SPIDR: variants seen among roughly 807,000 people sequenced by gnomAD.
SPIDR encodes DNA repair-scaffolding protein.
SPIDR carries 93 observed loss-of-function variants against 104.6 expected under a neutral mutation model. That is an observed-to-expected ratio of 0.89 (90% confidence interval 0.75 to 1.06). The LOEUF is 1.06. SPIDR is among the 50% of genes least tolerant of loss of function. SPIDR has a pLI of 0.00. For missense variants in SPIDR, 1,154 were observed against 1,111.2 expected (o/e 1.04, Z -0.55); for synonymous variants, 431 against 416.9 (o/e 1.03, Z -0.41).
chr8:47,444,055 T>G (rs2070042782), intron 8 of SPIDR, among the ~76,000 whole-genome samples: 1 of 152,160 alleles, frequency 6.6e-6, no homozygotes, highest in South Asian at 2.1e-4. Flanking sequence ...TCTATATAAT[T>G]TCAGACATGT....
At chr8:47,337,304 A>T (rs976501406) in intron 5 of SPIDR, among the ~76,000 whole-genome samples, 2 of 151,814 alleles carry the variant, frequency 1.3e-5, no homozygotes, top group Admixed American at 6.6e-5. Context: ...TAATTGTTTA[A>T]TTTTTTTGTA....
In SPIDR at chr8:47,353,137, AAAGTT is replaced by A. The variant is rs557266480; in HGVS notation, c.526-43233_526-43229del. Among the ~76,000 whole-genome samples, 10 of 152,292 alleles carry A rather than the reference AAAGTT, an allele frequency of 6.6e-5. No homozygotes were observed. The East Asian group carries it at 1.9e-3, about 29-fold the overall frequency. On this transcript the variant is annotated intron_variant, in intron 5 of 19. Coordinates refer to ENST00000297423, the MANE Select transcript of SPIDR (RefSeq NM_001080394.4). ...TTAATTTTGTTAAATTTTTATTCAA[AAAGTT>A]AAGTTCTAAATAGCATCAAACATGG... is the stretch of plus-strand genomic sequence containing the variant.
intron 3 of SPIDR, among the ~76,000 whole-genome samples, chr8:47,289,607 A>G (rs960019071): frequency 2.0e-5 from 3 of 152,134 alleles, no homozygotes; most frequent in Non-Finnish European, 4.4e-5. Flanking sequence ...AATAGTGACA[A>G]TACAAAATGC....
intron 8 of SPIDR, among the ~76,000 whole-genome samples, chr8:47,529,441 A>G (rs1406060442): frequency 6.6e-6 from 1 of 152,018 alleles, no homozygotes; most frequent in Non-Finnish European, 1.5e-5. Context: ...AATAAAAAAT[A>G]AAAATAAAGT....
intron 10 of SPIDR, among the ~76,000 whole-genome samples, chr8:47,655,805 C>T (rs6992255): frequency 0.11 from 17,366 of 152,066 alleles, 1,512 homozygotes; most frequent in African/African-American, 0.21. Context: ...TTGCCCATGC[C>T]TGTGTCCTGA....
intron 8 of SPIDR, among the ~76,000 whole-genome samples, chr8:47,501,520 C>T (rs960558287): frequency 6.6e-6 from 1 of 152,012 alleles, no homozygotes; most frequent in African/African-American, 2.4e-5. Context: ...CTGAAGTTGC[C>T]TGTCAGCTTA....
chr8:47,349,363 C>A (rs962456528), intron 5 of SPIDR, among the ~76,000 whole-genome samples: 2 of 152,202 alleles, frequency 1.3e-5, no homozygotes, highest in Admixed American at 6.5e-5. Flanking sequence ...GGGCACCCGG[C>A]TGTATGAGGT....
chr8:47,647,943 A>G (rs973892771), intron 10 of SPIDR, among the ~76,000 whole-genome samples: 1 of 152,302 alleles, frequency 6.6e-6, no homozygotes, highest in East Asian at 1.9e-4. Context: ...TGTGCATCAC[A>G]TACATGAAGG....
intron 8 of SPIDR, among the ~76,000 whole-genome samples, chr8:47,569,333 C>T (rs2058254061): frequency 6.6e-6 from 1 of 152,132 alleles, no homozygotes; most frequent in Non-Finnish European, 1.5e-5. Flanking sequence ...GACTTAATTA[C>T]TCCCACTTTC....
At chr8:47,266,206 T>G (rs2033987252) in intron 1 of SPIDR, among the ~76,000 whole-genome samples, 1 of 149,124 alleles carries the variant, frequency 6.7e-6, no homozygotes, top group African/African-American at 2.5e-5. Context: ...CTCGGCTCAC[T>G]GCAACTTTCC....
chr8:47,426,951 A>G (rs1039342724), intron 7 of SPIDR, among the ~76,000 whole-genome samples: 1 of 152,244 alleles, frequency 6.6e-6, no homozygotes, highest in African/African-American at 2.4e-5. Context: ...CCATTTATTG[A>G]AGTACGTTTT....
intron 10 of SPIDR, among the ~76,000 whole-genome samples, chr8:47,617,962 A>G (rs1371520000): frequency 9.2e-5 from 14 of 152,206 alleles, no homozygotes; most frequent in Admixed American, 9.2e-4. Context: ...GGGCAGTGAC[A>G]ATCATGTCAT....
chr8:47,261,707 TC>T (rs1024148907), intron 1 of SPIDR, among the ~76,000 whole-genome samples: 10 of 152,316 alleles, frequency 6.6e-5, no homozygotes, highest in Admixed American at 4.6e-4. Flanking sequence ...CTTGAAAACT[TC>T]CTGGAAAAAA....
chr8:47,482,296 A>T (rs2076983574), intron 8 of SPIDR, among the ~76,000 whole-genome samples: 1 of 152,130 alleles, frequency 6.6e-6, no homozygotes, highest in African/African-American at 2.4e-5. Flanking sequence ...TGAGCCGAGC[A>T]TAGTGGGGTG....
intron 8 of SPIDR, among the ~76,000 whole-genome samples, chr8:47,449,075 G>A (rs2071220627): frequency 6.6e-6 from 1 of 152,114 alleles, no homozygotes; most frequent in African/African-American, 2.4e-5. Context: ...GGAGGCTGTG[G>A]GAGTAGCTCA....
At chr8:47,511,638 T>C (rs925103069) in intron 8 of SPIDR, 6 of 797,916 alleles carry the variant, frequency 7.5e-6, no homozygotes, top group Non-Finnish European at 1.4e-5. Context: ...TCTTTTCTCC[T>C]GCCACATAAG....
chr8:47,658,942 CAAAA>C (rs772463596), intron 10 of SPIDR, among the ~76,000 whole-genome samples: 4 of 71,982 alleles, frequency 5.6e-5, no homozygotes, highest in African/African-American at 1.0e-4. Flanking sequence ...ATCTCCATCT[CAAAA>C]AAAAAAAAAA....
chr8:47,334,038 C>T (rs1042166172), intron 5 of SPIDR, among the ~76,000 whole-genome samples: 3 of 152,154 alleles, frequency 2.0e-5, no homozygotes, highest in African/African-American at 7.2e-5. Context: ...TCTTCTTTGA[C>T]CCATGTGTAT....
At chr8:47,364,595 A>T (rs1554633175) in intron 5 of SPIDR, among the ~76,000 whole-genome samples, 1 of 152,104 alleles carries the variant, frequency 6.6e-6, no homozygotes, top group Non-Finnish European at 1.5e-5. Context: ...TCTTCAGTTC[A>T]CAAATAGAAT....
Sources: gnomAD v4.1 joint callset for allele counts (sites outside exome capture counted in the v4.1 genomes callset) on GRCh38, gnomAD v4.1.1 for gene constraint, MANE v1.5 for transcripts, NCBI Gene and HGNC (gene_info 2026-07-23, HGNC 2026-07-21) for gene names.